ADGRL2: variants seen among roughly 807,000 people sequenced by gnomAD.
ADGRL2 encodes calcium-independent alpha-latrotoxin receptor 2.
A neutral mutation model predicts 157.4 loss-of-function variants in ADGRL2; 44 were observed. That is an observed-to-expected ratio of 0.28 (90% CI 0.22 to 0.36). ADGRL2 has a LOEUF of 0.36. Ranked by LOEUF, ADGRL2 falls within the 10% of genes least tolerant of loss-of-function variation. The pLI is 1.00. For synonymous variants in ADGRL2, 585 were observed against 624.7 expected (o/e 0.94, Z 0.95); for missense variants, 1,510 against 1,768.9 (o/e 0.85, Z 2.63).
At chr1:81,693,482 A>G (rs943375296) in intron 3 of ADGRL2, among the ~76,000 whole-genome samples, 1 of 152,218 alleles carries the variant, frequency 6.6e-6, no homozygotes, top group African/African-American at 2.4e-5. Flanking sequence ...CCCAAGGTCT[A>G]TGTTGGGTGA....
At chr1:81,756,384 C>T (rs1437274449) in intron 1 of ADGRL2, among the ~76,000 whole-genome samples, 1 of 151,992 alleles carries the variant, frequency 6.6e-6, no homozygotes, top group Non-Finnish European at 1.5e-5. Flanking sequence ...TGATTATTTA[C>T]CTGACATTGT....
At chr1:81,374,756 A>G (rs1557638706) in intron 1 of ADGRL2, among the ~76,000 whole-genome samples, 1 of 152,108 alleles carries the variant, frequency 6.6e-6, no homozygotes, top group Non-Finnish European at 1.5e-5. Flanking sequence ...TGCCGCTCAC[A>G]TATCCCTCGG....
At chr1:81,393,021 T>A (rs1431264400) in intron 1 of ADGRL2, among the ~76,000 whole-genome samples, 1 of 152,172 alleles carries the variant, frequency 6.6e-6, no homozygotes, top group African/African-American at 2.4e-5. Context: ...TGATAACATC[T>A]GCACATGAGA....
chr1:81,589,512 A>G (rs1024129197), intron 3 of ADGRL2, among the ~76,000 whole-genome samples: 3 of 152,198 alleles, frequency 2.0e-5, no homozygotes, highest in African/African-American at 7.2e-5. Context: ...TAGTAAATAT[A>G]TCACATGCAG....
At chr1:81,374,343 G>A (rs1432554761) in intron 1 of ADGRL2, among the ~76,000 whole-genome samples, 3 of 152,066 alleles carry the variant, frequency 2.0e-5, no homozygotes, top group East Asian at 1.9e-4. Flanking sequence ...AGGCCGAGGC[G>A]GGTGGATCAC....
intron 1 of ADGRL2, among the ~76,000 whole-genome samples, chr1:81,331,022 G>A (rs560123590): frequency 6.6e-6 from 1 of 152,242 alleles, no homozygotes; most frequent in South Asian, 2.1e-4. Flanking sequence ...AAACATATTT[G>A]CATGCCCCAT....
intron 3 of ADGRL2, among the ~76,000 whole-genome samples, chr1:81,588,760 T>C (rs554416643): frequency 7.1e-4 from 108 of 152,274 alleles, no homozygotes; most frequent in African/African-American, 2.6e-3. Flanking sequence ...TTGCTCCCTG[T>C]CTCTAACATG....
At chr1:81,476,339 G>A (rs892526228) in intron 2 of ADGRL2, among the ~76,000 whole-genome samples, 1 of 152,140 alleles carries the variant, frequency 6.6e-6, no homozygotes, top group Non-Finnish European at 1.5e-5. Context: ...AAGTAAAGCT[G>A]CAAAAATATC....
intron 2 of ADGRL2, among the ~76,000 whole-genome samples, chr1:81,470,086 A>T (rs918856045): frequency 2.0e-5 from 3 of 152,200 alleles, no homozygotes; most frequent in African/African-American, 7.2e-5. Flanking sequence ...GTGTTCCTTA[A>T]GTCATGTTCT....
intron 1 of ADGRL2, among the ~76,000 whole-genome samples, chr1:81,829,881 A>C (rs2091813455): frequency 6.6e-6 from 1 of 152,186 alleles, no homozygotes; most frequent in South Asian, 2.1e-4. Flanking sequence ...TTGCTACTGC[A>C]GTCCTTGTAG....
chr1:81,765,330 T>C (rs1484054826), intron 2 of ADGRL2, among the ~76,000 whole-genome samples: 1 of 152,018 alleles, frequency 6.6e-6, no homozygotes, highest in Admixed American at 6.6e-5. Context: ...CATGACATTT[T>C]AGAAGAAAAA....
chr1:81,983,108 A>G (rs1380028067), intron 19 of ADGRL2, among the ~76,000 whole-genome samples: 1 of 151,952 alleles, frequency 6.6e-6, no homozygotes, highest in African/African-American at 2.4e-5. Flanking sequence ...AACATCTTTG[A>G]CACAAATCAT....
intron 1 of ADGRL2, among the ~76,000 whole-genome samples, chr1:81,409,964 C>T (rs2076920270): frequency 6.6e-6 from 1 of 151,950 alleles, no homozygotes; most frequent in Non-Finnish European, 1.5e-5. Context: ...ACCTGCTTCC[C>T]AAAGGGAAAA....
chr1:81,925,100 G>A (rs980745070), intron 3 of ADGRL2, among the ~76,000 whole-genome samples: 81 of 151,904 alleles, frequency 5.3e-4, no homozygotes, highest in African/African-American at 1.9e-3. Context: ...TGGGAAAGAA[G>A]GACATAAGGA....
At chr1:81,903,799 T>C (rs1051784700) in intron 2 of ADGRL2, among the ~76,000 whole-genome samples, 12 of 132,748 alleles carry the variant, frequency 9.0e-5, no homozygotes, top group East Asian at 2.4e-4. Flanking sequence ...TATATATATA[T>C]ACACATTTTA....
chr1:81,960,364 A>G (rs1654943132), intron 11 of ADGRL2, among the ~76,000 whole-genome samples: 1 of 152,160 alleles, frequency 6.6e-6, no homozygotes, highest in African/African-American at 2.4e-5. Flanking sequence ...ATCAACAAGC[A>G]CATAATCTTT....
At chr1:81,923,501 C>A (rs1325036872) in intron 3 of ADGRL2, among the ~76,000 whole-genome samples, 1 of 152,076 alleles carries the variant, frequency 6.6e-6, no homozygotes, top group Non-Finnish European at 1.5e-5. Context: ...ACTTGCTCTA[C>A]TGCTCAGAGT....
At chr1:81,400,148 T>G (rs1226758451) in intron 1 of ADGRL2, among the ~76,000 whole-genome samples, 1 of 151,988 alleles carries the variant, frequency 6.6e-6, no homozygotes, top group African/African-American at 2.4e-5. Flanking sequence ...GTAAGGGCTT[T>G]GGGGGGGTCC....
At chr1:81,697,774 T>A (rs60343303), upstream of ADGRL2, among the ~76,000 whole-genome samples, 2,682 of 152,220 alleles carry the variant, frequency 0.018, 33 homozygotes, top group South Asian at 0.054. Flanking sequence ...AAGATTTAGA[T>A]GTTTTTAGAT....
Sources: allele counts gnomAD v4.1 joint callset (sites outside exome capture counted in the v4.1 genomes callset), GRCh38; gene constraint gnomAD v4.1.1; transcripts MANE v1.5; gene names NCBI Gene and HGNC (gene_info 2026-07-23, HGNC 2026-07-21).